MEGF11: variants seen among roughly 807,000 people sequenced by gnomAD.
MEGF11 encodes multiple EGF like domains 11.
MEGF11 carries 126 observed loss-of-function variants against 146.6 expected under a neutral mutation model. That is an observed-to-expected ratio of 0.86 (90% CI 0.74 to 1.00). The LOEUF is 1.00. Ranked by LOEUF, MEGF11 falls within the 50% of genes least tolerant of loss-of-function variation. MEGF11 has a pLI of 0.00. For missense variants in MEGF11, 1,509 were observed against 1,521.2 expected (o/e 0.99, Z 0.13); for synonymous variants, 532 against 583.4 (o/e 0.91, Z 1.27).
At chr15:66,116,067 G>A (rs1176306686) in intron 4 of MEGF11, among the ~76,000 whole-genome samples, 1 of 152,156 alleles carries the variant, frequency 6.6e-6, no homozygotes, top group Non-Finnish European at 1.5e-5. Context: ...TCTGCCCTCT[G>A]GGGTCTGGCC....
intron 5 of MEGF11, among the ~76,000 whole-genome samples, chr15:66,024,268 G>A (rs1312614241): frequency 6.6e-6 from 1 of 152,246 alleles, no homozygotes; most frequent in Non-Finnish European, 1.5e-5. Flanking sequence ...CTCCATGGGG[G>A]CAGCGCCACC....
intron 5 of MEGF11, among the ~76,000 whole-genome samples, chr15:65,989,178 C>T (rs188547465): frequency 6.6e-6 from 1 of 152,136 alleles, no homozygotes; most frequent in Admixed American, 6.5e-5. Context: ...GGGAGATGTG[C>T]AGGAGGATGC....
chr15:65,942,827 C>G (rs1371907559), intron 10 of MEGF11, among the ~76,000 whole-genome samples: 1 of 152,082 alleles, frequency 6.6e-6, no homozygotes, highest in Non-Finnish European at 1.5e-5. Flanking sequence ...CAGAATGAAG[C>G]TTCCCTGCAA....
chr15:66,204,620 A>C (rs1035470567), intron 1 of MEGF11, among the ~76,000 whole-genome samples: 1 of 152,116 alleles, frequency 6.6e-6, no homozygotes, highest in Non-Finnish European at 1.5e-5. Flanking sequence ...GTAAAGAGGG[A>C]ATAATGAAAC....
At chr15:66,087,638 A>T (rs2086164002) in intron 5 of MEGF11, among the ~76,000 whole-genome samples, 1 of 152,200 alleles carries the variant, frequency 6.6e-6, no homozygotes, top group African/African-American at 2.4e-5. Context: ...TAATGACACA[A>T]CCTATCAAAA....
intron 1 of MEGF11, among the ~76,000 whole-genome samples, chr15:66,211,987 T>A (rs2091467069): frequency 4.2e-3 from 1 of 236 alleles, no homozygotes; most frequent in Non-Finnish European, 9.1e-3. Context: ...ACCACCAGAA[T>A]TTCTCTCAAA....
At chr15:66,057,250 G>A (rs2084712788) in intron 5 of MEGF11, among the ~76,000 whole-genome samples, 1 of 152,154 alleles carries the variant, frequency 6.6e-6, no homozygotes, top group South Asian at 2.1e-4. Context: ...AGGGCGTCGG[G>A]GAGGTTGGCT....
At chr15:66,090,125 T>A (rs2086263767) in intron 5 of MEGF11, among the ~76,000 whole-genome samples, 1 of 152,176 alleles carries the variant, frequency 6.6e-6, no homozygotes, top group Non-Finnish European at 1.5e-5. Context: ...TAGGGGCTTA[T>A]AAGTCAGTAA....
chr15:66,201,657 C>T (rs1044815474), intron 1 of MEGF11, among the ~76,000 whole-genome samples: 4 of 151,754 alleles, frequency 2.6e-5, no homozygotes, highest in African/African-American at 4.8e-5. Flanking sequence ...GCCTCCAGGC[C>T]GGGTACGGTG....
At chr15:66,236,118 C>T (rs1274474334) in intron 1 of MEGF11, among the ~76,000 whole-genome samples, 1 of 152,072 alleles carries the variant, frequency 6.6e-6, no homozygotes, top group Non-Finnish European at 1.5e-5. Context: ...TAAGAGTCAG[C>T]CACATAAGGA....
intron 10 of MEGF11, among the ~76,000 whole-genome samples, chr15:65,945,346 G>A (rs1322999602): frequency 6.6e-6 from 1 of 152,174 alleles, no homozygotes; most frequent in Non-Finnish European, 1.5e-5. Context: ...CAAGTTTGAT[G>A]GGAGCTCAGG....
intron 1 of MEGF11, among the ~76,000 whole-genome samples, chr15:66,159,058 G>A (rs1035308479): frequency 8.5e-5 from 13 of 152,140 alleles, no homozygotes; most frequent in African/African-American, 2.9e-4. Context: ...GACCTTCCAC[G>A]TTCCTGAACT....
intron 5 of MEGF11, among the ~76,000 whole-genome samples, chr15:66,070,874 G>C (rs1361505611): frequency 6.6e-6 from 1 of 152,140 alleles, no homozygotes; most frequent in East Asian, 1.9e-4. Flanking sequence ...CTAGACTTTA[G>C]TGTAGTCAAG....
chr15:66,226,115 G>A lies in MEGF11; in HGVS notation c.-9+27490C>T, dbSNP rs143658189. Among the ~76,000 whole-genome samples the A allele has an allele frequency of 5.7e-3, 872 of 152,294 alleles. 7 individuals are homozygous for A. Among genetic ancestry groups the A allele is most frequent in the African/African-American group, 0.019 (806 of 41,562 alleles). On this transcript the variant is annotated intron_variant, in intron 1 of 25. Transcript: ENST00000395614. Reference sequence around the variant, plus strand: ...CGTGCCCTCTTACTCCCTCCAGCCCGGGACATGAATCATGCCTTCGTCCAG... The same window carrying A: ...CGTGCCCTCTTACTCCCTCCAGCCCAGGACATGAATCATGCCTTCGTCCAG...
At position 65,898,009 on chromosome 15, in the gene MEGF11, A is replaced by G. The variant is rs758690549; in HGVS notation, c.3348T>C (p.His1116=). 2 of 1,613,918 alleles carry G rather than the reference A, an allele frequency of 1.2e-6. No individual in the cohort carries two copies. The highest frequency in any genetic ancestry group is 1.3e-5 in the African/African-American group (1 of 74,940). Residue 1116 remains histidine, a synonymous_variant, in exon 26 of 26, where the codon CAT becomes CAC. Coordinates refer to ENST00000395614, the MANE Select transcript of MEGF11 (RefSeq NM_001385028.1). The part of the protein sequence containing the change: ...QNAYDLPRNS[H]IPGHYDLLPV... Reference sequence around the variant, plus strand: ...GGAGGAGGTCATAATGACCAGGAATATGGCTGTTCCTAGGTAGGTCGTATG... The same window carrying G: ...GGAGGAGGTCATAATGACCAGGAATGTGGCTGTTCCTAGGTAGGTCGTATG...
At chr15:66,224,899 C>G (rs1346616483) in intron 1 of MEGF11, among the ~76,000 whole-genome samples, 5 of 151,990 alleles carry the variant, frequency 3.3e-5, no homozygotes, top group African/African-American at 9.7e-5. Flanking sequence ...ATCAGCACCC[C>G]CAAGCACTCA....
intron 1 of MEGF11, among the ~76,000 whole-genome samples, chr15:66,251,054 C>T (rs533395841): frequency 1.3e-5 from 2 of 152,190 alleles, no homozygotes; most frequent in African/African-American, 4.8e-5. Context: ...ACTGACTTGC[C>T]GGCCGATTGC....
At chr15:66,179,428 C>T (rs1001287073) in intron 1 of MEGF11, among the ~76,000 whole-genome samples, 2 of 152,190 alleles carry the variant, frequency 1.3e-5, no homozygotes, top group Admixed American at 1.3e-4. Context: ...CCATTCCGCC[C>T]AGCTGGAGGT....
chr15:66,091,032 G>A (rs1198323261), intron 5 of MEGF11, among the ~76,000 whole-genome samples: 1 of 152,066 alleles, frequency 6.6e-6, no homozygotes, highest in Non-Finnish European at 1.5e-5. Flanking sequence ...TTTTTAACAT[G>A]AACAGGTATA....
Sources: gnomAD v4.1 joint callset for allele counts (sites outside exome capture counted in the v4.1 genomes callset) on GRCh38, gnomAD v4.1.1 for gene constraint, MANE v1.5 for transcripts, NCBI Gene and HGNC (gene_info 2026-07-23, HGNC 2026-07-21) for gene names.